Variants in SERPINB3 observed in about 807,000 individuals in gnomAD.
SERPINB3 encodes the protein serpin family B member 3, also known as serpin B3.
In SERPINB3, 33 loss-of-function variants were observed where a neutral mutation model predicts 33.0. The ratio of observed to expected loss-of-function variants is 1.00; its 90% CI spans 0.76 to 1.34. The LOEUF (loss-of-function observed/expected upper bound fraction) is 1.34, where lower values mean the gene tolerates loss of function less well. Among genes scored for constraint, SERPINB3 ranks in the 40% most tolerant of loss-of-function variants. The pLI is 0.00. For missense variants in SERPINB3, 518 were observed against 461.5 expected (o/e 1.12, Z -1.12); for synonymous variants, 200 against 170.9 (o/e 1.17, Z -1.33).
At chr18:63,659,295 A>G in intron 4 of SERPINB3, 104 bp downstream of exon 4, 1 of 1,285,838 alleles carries the variant, frequency 7.8e-7, no homozygotes, top group Non-Finnish European at 1.1e-6. Context: ...AATGCTCTCC[A>G]CCTGGATCGG....
At chr18:63,660,425 A>C (rs1913610835) in intron 3 of SERPINB3, among the ~76,000 whole-genome samples, 1 of 152,192 alleles carries the variant, frequency 6.6e-6, no homozygotes, top group Non-Finnish European at 1.5e-5. Context: ...GCAATGTTGT[A>C]AACATTTGCA....
rs182802060 is a variant in SERPINB3, at chr18:63,661,032, A to G, written c.165+20T>C. The stretch of plus-strand genomic sequence containing the variant: ...CAGAGAAAAACTGCAACAGGACAAC[A>G]TAATGATGCTGATAGCTACCTTCTT... On this transcript the variant is annotated intron_variant, in intron 2 of 7. Transcript: ENST00000283752. 4.5e-4 allele frequency: 718 copies of G among 1,613,252 alleles called. 2 individuals carry two copies. The highest frequency in any genetic ancestry group is 1.7e-4 in the Non-Finnish European group (204 of 1,179,460).
chr18:63,661,339 A>G, intron 1 of SERPINB3, 97 bp from the exon 2 acceptor site: 2 of 1,333,638 alleles, frequency 1.5e-6, no homozygotes, highest in Non-Finnish European at 2.1e-6. Flanking sequence ...CTGTGTTGTG[A>G]GATTTTGACA....
At chr18:63,659,619 G>T (rs926444784) in intron 3 of SERPINB3, 92 bp from the exon 4 acceptor site, 4 of 1,555,272 alleles carry the variant, frequency 2.6e-6, no homozygotes, top group African/African-American at 1.4e-5. Flanking sequence ...CCTAATGGCT[G>T]GTAGTCTCAA....
At chr18:63,658,408 C>G in intron 5 of SERPINB3, 105 bp downstream of exon 5, 1 of 943,536 alleles carries the variant, frequency 1.1e-6, no homozygotes, top group South Asian at 1.6e-5. Flanking sequence ...TCCCTCCCTG[C>G]AAAGCCATCT....
Position 63,656,856 on chromosome 18 carries a change from G to A in SERPINB3, c.743C>T (p.Pro248Leu). 1.2e-6 allele frequency: 2 copies of A among 1,610,816 alleles called. No homozygotes were observed. Among genetic ancestry groups the A allele is most frequent in the Non-Finnish European group, 1.7e-6 (2 of 1,177,826 alleles). The change falls in exon 7 of 8, where the codon CCA becomes CTA. Residue 248 changes from proline (P) to leucine (L), a missense_variant. Transcript: ENST00000283752. ...CTTCTGGAGACCATCGATTTCATTT[G>A]GCAGCAACACAATCATGCTTAGATC... ...GKDLSMIVLLPNEIDGLQKLE... is the reference protein window; with the variant it reads ...GKDLSMIVLLLNEIDGLQKLE...
intron 5 of SERPINB3, 26 bp from the exon 6 acceptor site, chr18:63,657,438 T>C: frequency 6.4e-7 from 1 of 1,555,532 alleles, no homozygotes; most frequent in Non-Finnish European, 8.7e-7. Flanking sequence ...TAAAAGAGTC[T>C]TTTACACAAG....
At position 63,661,217 on chromosome 18, in the gene SERPINB3, G is replaced by A. The variant is rs139092423; in HGVS notation, c.-1C>T. ...TGTTGGCTTCACTGAGTGAATTCATGGTGAACTCGATGTGATCTGGAACTC... is the reference window on the plus strand; with the variant it reads ...TGTTGGCTTCACTGAGTGAATTCATAGTGAACTCGATGTGATCTGGAACTC... On this transcript the variant is annotated 5_prime_UTR_variant, in exon 2 of 8. Transcript: ENST00000283752. 227 of 1,613,030 alleles carry A rather than the reference G, an allele frequency of 1.4e-4. No homozygotes were observed. The African/African-American group carries it at 2.6e-3, about 19-fold the overall frequency.
intron 4 of SERPINB3, 31 bp from the exon 5 acceptor site, chr18:63,658,661 T>A: frequency 6.5e-7 from 1 of 1,536,958 alleles, no homozygotes; most frequent in Non-Finnish European, 9.0e-7. Context: ...AAGTAGGAAG[T>A]AAGAGTAATT....
intron 4 of SERPINB3, 40 bp downstream of exon 4, chr18:63,659,359 C>T (rs1308531496): frequency 1.3e-6 from 2 of 1,595,688 alleles, no homozygotes; most frequent in East Asian, 2.3e-5. Flanking sequence ...ACACAGACAT[C>T]AGGATGCAAA....
chr18:63,660,165 C>A (rs752686814), intron 3 of SERPINB3, among the ~76,000 whole-genome samples: 12 of 152,126 alleles, frequency 7.9e-5, no homozygotes, highest in East Asian at 1.9e-4. Context: ...AGAAGTGCCA[C>A]GTTTTGAACC....
At chr18:63,661,529 T>C (rs1297484962) in intron 1 of SERPINB3, among the ~76,000 whole-genome samples, 2 of 152,040 alleles carry the variant, frequency 1.3e-5, no homozygotes, top group African/African-American at 4.8e-5. Flanking sequence ...TAGGAAGGCT[T>C]TACAATGAAT....
intron 5 of SERPINB3, 122 bp downstream of exon 5, chr18:63,658,391 C>A: frequency 1.3e-6 from 1 of 783,454 alleles, no homozygotes; most frequent in Non-Finnish European, 2.1e-6. Context: ...CTGGAGTGCC[C>A]TCTTCTTCCC....
At position 63,657,005 on chromosome 18, in the gene SERPINB3, T is replaced by C; in HGVS notation, c.613-19A>G. The C allele has an allele frequency of 6.3e-7, 1 of 1,583,864 alleles. No homozygotes were observed. The highest frequency in any genetic ancestry group is 8.6e-7 in the Non-Finnish European group (1 of 1,159,782). On this transcript the variant is annotated intron_variant, in intron 6 of 7. Transcript: ENST00000283752. ...ATGTATTCTACAATAAATCAATGTGTCCAACAAATACCAAGTGAGACACAA... is the reference window on the plus strand; with the variant it reads ...ATGTATTCTACAATAAATCAATGTGCCCAACAAATACCAAGTGAGACACAA...
chr18:63,659,652 C>G (rs1454468571), intron 3 of SERPINB3, 125 bp from the exon 4 acceptor site: 1 of 1,298,424 alleles, frequency 7.7e-7, no homozygotes, highest in African/African-American at 1.5e-5. Context: ...AGCTTATTCC[C>G]TGATACTTGG....
In SERPINB3 at chr18:63,658,451, A is replaced by G; in HGVS notation, c.469+62T>C. On this transcript the variant is annotated intron_variant, in intron 5 of 7. Transcript: ENST00000283752. Reference sequence around the variant, plus strand: ...CACCCATGGTCCCCCATGCAGTTTCAGGCATAGGGCTCACTCGCATAGATT... The same window carrying G: ...CACCCATGGTCCCCCATGCAGTTTCGGGCATAGGGCTCACTCGCATAGATT... 2.2e-6 allele frequency: 3 copies of G among 1,393,246 alleles called. No individual in the cohort carries two copies. The South Asian group carries it at 3.6e-5, about 17-fold the overall frequency. 86.3% of individuals were successfully genotyped at this position (1,393,246 alleles called of 1,614,324 possible).
chr18:63,655,834 G>C lies in SERPINB3; in HGVS notation c.996C>G (p.Ala332=). The change falls in exon 8 of 8, where the codon GCC becomes GCG. Residue 332 remains alanine (A), a synonymous_variant. Transcript: ENST00000283752. The stretch of plus-strand genomic sequence containing the variant: ...CTCCCTCCTCTGTAACCTCCACAAA[G>C]GCCTTGTGTAGGACTCCAGATAGCA... The part of the protein sequence containing the change: ...GLVLSGVLHK[A]FVEVTEEGAE... 1 of 1,613,970 alleles carries C rather than the reference G, an allele frequency of 6.2e-7. No individual in the cohort carries two copies. Among genetic ancestry groups the C allele is most frequent in the Admixed American group, 1.7e-5 (1 of 59,974 alleles).
chr18:63,658,601 G>A lies in SERPINB3; in HGVS notation c.381C>T (p.Tyr127=). ...QEYLDAIKKF[Y]QTSVESVDFA... is the part of the protein sequence containing the mutation. The stretch of plus-strand genomic sequence containing the variant: ...AATCAACAGATTCCACACTGGTCTG[G>A]TAAAATTTCTTGATGGCATCTAAAT... The change falls in exon 5 of 8, where the codon TAC becomes TAT. Residue 127 remains tyrosine, a synonymous_variant. Coordinates refer to ENST00000283752, the MANE Select transcript of SERPINB3 (RefSeq NM_006919.3). The A allele has an allele frequency of 6.2e-7, 1 of 1,612,764 alleles. No homozygotes were observed. Among genetic ancestry groups the A allele is most frequent in the East Asian group, 2.2e-5 (1 of 44,830 alleles).
At chr18:63,657,772 T>C (rs1192085014) in intron 5 of SERPINB3, among the ~76,000 whole-genome samples, 2 of 77,676 alleles carry the variant, frequency 2.6e-5, no homozygotes, top group Admixed American at 1.3e-4. Context: ...CTCTTCCTAC[T>C]TTTTTTTTTT....
Sources: allele counts gnomAD v4.1 joint callset (sites outside exome capture counted in the v4.1 genomes callset), GRCh38; gene constraint gnomAD v4.1.1; transcripts MANE v1.5; gene names NCBI Gene and HGNC (gene_info 2026-07-23, HGNC 2026-07-21).